Variants in KAT6B observed in about 807,000 individuals in gnomAD.
KAT6B encodes lysine acetyltransferase 6B, also known as histone acetyltransferase KAT6B.
Under a neutral mutation model 187.5 loss-of-function variants are expected in KAT6B, and 10 were observed. The ratio of observed to expected loss-of-function variants is 0.05; its 90% CI spans 0.03 to 0.09. The LOEUF is 0.09. KAT6B is among the 10% of genes least tolerant of loss of function. KAT6B has a pLI of 1.00. For missense variants in KAT6B, 1,952 were observed against 2,558.9 expected, an observed-to-expected ratio of 0.76 and a Z score of 5.12; for synonymous variants, 861 against 926.8, an observed-to-expected ratio of 0.93 and a Z score of 1.29.
chr10:74,893,284 C>T (rs895890114), intron 3 of KAT6B, among the ~76,000 whole-genome samples: 4 of 152,182 alleles, frequency 2.6e-5, no homozygotes, highest in African/African-American at 4.8e-5. Context: ...TCACACTTGC[C>T]GCCTTTCATT....
intron 3 of KAT6B, among the ~76,000 whole-genome samples, chr10:74,892,777 T>TG (rs1365900755): frequency 6.6e-6 from 1 of 152,046 alleles, no homozygotes; most frequent in Non-Finnish European, 1.5e-5. Flanking sequence ...GGTGCTGCTG[T>TG]GGGATTAGAA....
At chr10:74,860,728 T>C (rs1589493306) in intron 3 of KAT6B, among the ~76,000 whole-genome samples, 1 of 152,224 alleles carries the variant, frequency 6.6e-6, no homozygotes, top group South Asian at 2.1e-4. Context: ...CTAGGCATGG[T>C]GGCTCACGCC....
At chr10:74,952,136 C>A (rs1021549193) in intron 3 of KAT6B, among the ~76,000 whole-genome samples, 1 of 152,098 alleles carries the variant, frequency 6.6e-6, no homozygotes, top group African/African-American at 2.4e-5. Context: ...GGGTGGATTG[C>A]TTGAGCTTAG....
intron 13 of KAT6B, among the ~76,000 whole-genome samples, chr10:75,010,910 G>A (rs1589804023): frequency 6.6e-6 from 1 of 152,334 alleles, no homozygotes; most frequent in East Asian, 1.9e-4. Context: ...CAATCTTAAA[G>A]GTAAAGCATT....
intron 3 of KAT6B, among the ~76,000 whole-genome samples, chr10:74,935,064 C>T (rs1454537367): frequency 6.6e-6 from 1 of 152,190 alleles, no homozygotes; most frequent in East Asian, 1.9e-4. Context: ...CTCTTTGGGC[C>T]CATTATTGAA....
chr10:74,858,682 C>G (rs1324037199), intron 3 of KAT6B, among the ~76,000 whole-genome samples: 1 of 152,130 alleles, frequency 6.6e-6, no homozygotes, highest in Non-Finnish European at 1.5e-5. Context: ...AAGATAGGCT[C>G]TTTGGCTCAT....
chr10:74,861,078 G>C (rs118177379), intron 3 of KAT6B, among the ~76,000 whole-genome samples: 17,193 of 151,862 alleles, frequency 0.11, 2,288 homozygotes, highest in African/African-American at 0.32. Flanking sequence ...TGGAGGTTGC[G>C]GGAGCTGAGA....
At chr10:74,906,158 GGGA>G (rs1332389632) in intron 3 of KAT6B, among the ~76,000 whole-genome samples, 2 of 152,122 alleles carry the variant, frequency 1.3e-5, no homozygotes, top group African/African-American at 4.8e-5. Flanking sequence ...CCAGCACTTT[GGGA>G]GGCCGAGGCA....
At chr10:74,870,776 C>A (rs1405409448) in intron 3 of KAT6B, among the ~76,000 whole-genome samples, 1 of 151,926 alleles carries the variant, frequency 6.6e-6, no homozygotes. Flanking sequence ...CGGGGTTTTC[C>A]ATGTTGGTCA....
intron 3 of KAT6B, among the ~76,000 whole-genome samples, chr10:74,868,945 C>T (rs140736415): frequency 2.0e-5 from 3 of 152,336 alleles, no homozygotes; most frequent in Non-Finnish European, 4.4e-5. Context: ...ATGCTCCCTT[C>T]TGCCCTGCTG....
chr10:74,989,611 C>T (rs1174476995), intron 13 of KAT6B, among the ~76,000 whole-genome samples: 1 of 152,100 alleles, frequency 6.6e-6, no homozygotes, highest in African/African-American at 2.4e-5. Context: ...TGTTAATTTC[C>T]CTTTTCTATT....
intron 13 of KAT6B, among the ~76,000 whole-genome samples, chr10:75,013,279 G>A (rs1844741080): frequency 6.6e-6 from 1 of 152,284 alleles, no homozygotes; most frequent in Admixed American, 6.5e-5. Context: ...GGACTAAGGG[G>A]CCAAAGGGAA....
rs549731693 is a variant in KAT6B at position 74,882,324 on chromosome 10, T to C, written c.621+38846T>C. On this transcript the variant is annotated intron_variant, in intron 3 of 17. Coordinates refer to ENST00000287239, the MANE Select transcript of KAT6B (RefSeq NM_012330.4). ...TATATTTTCTTGCATGTTTGACTTT[T>C]AGTTAGTATTTTACAGTAATTTCGT... Among the ~76,000 whole-genome samples, 42 of 152,372 alleles carry C rather than the reference T, an allele frequency of 2.8e-4. No individual in the cohort carries two copies. In the South Asian group the frequency reaches 8.5e-3, roughly 31 times the overall value.
intron 3 of KAT6B, among the ~76,000 whole-genome samples, chr10:74,948,395 G>GGT (rs762634776): frequency 1.4e-4 from 22 of 152,330 alleles, no homozygotes; most frequent in Non-Finnish European, 2.9e-4. Context: ...CATTGTCAGA[G>GGT]GTGGTGGTGA....
chr10:74,972,362 A>G, intron 6 of KAT6B, 145 bp from the exon 7 acceptor site: 2 of 630,184 alleles, frequency 3.2e-6, no homozygotes, highest in East Asian at 5.8e-5. Flanking sequence ...TCCTAAGGAA[A>G]ATGACAAAGG....
intron 13 of KAT6B, among the ~76,000 whole-genome samples, chr10:74,995,702 A>G (rs1299060807): frequency 1.3e-5 from 2 of 152,236 alleles, no homozygotes; most frequent in Non-Finnish European, 2.9e-5. Context: ...CGTTGCATGC[A>G]TGTATACAGT....
chr10:75,002,958 G>T (rs183952609), intron 13 of KAT6B: 3 of 152,140 alleles, frequency 2.0e-5, no homozygotes, highest in African/African-American at 7.2e-5. Flanking sequence ...TAATTATGAC[G>T]GGAAGAACTT....
intron 3 of KAT6B, among the ~76,000 whole-genome samples, chr10:74,946,273 T>A (rs749164034): frequency 3.3e-5 from 5 of 152,220 alleles, no homozygotes; most frequent in Non-Finnish European, 7.3e-5. Flanking sequence ...TCTGTAGTTA[T>A]ATCTCTACTT....
intron 3 of KAT6B, among the ~76,000 whole-genome samples, chr10:74,864,967 T>C (rs1486623531): frequency 6.6e-6 from 1 of 152,244 alleles, no homozygotes; most frequent in African/African-American, 2.4e-5. Flanking sequence ...ATTTTTTCTT[T>C]TGAAAAGTTT....
Sources: allele counts gnomAD v4.1 joint callset (sites outside exome capture counted in the v4.1 genomes callset), GRCh38; gene constraint gnomAD v4.1.1; transcripts MANE v1.5; gene names NCBI Gene and HGNC (gene_info 2026-07-23, HGNC 2026-07-21).